The following MGMT variants were observed in gnomAD, a reference collection of about 807,000 sequenced individuals.
The protein encoded by MGMT is O-6-methylguanine-DNA methyltransferase, also known as methylated-DNA--protein-cysteine methyltransferase.
In MGMT, 14 loss-of-function variants were observed where a neutral mutation model predicts 15.9. That is an observed-to-expected ratio of 0.88 (90% CI 0.58 to 1.37). The LOEUF is 1.37. MGMT is among the 40% of genes most tolerant of loss of function. The pLI is 0.00. For synonymous variants in MGMT, 130 were observed against 118.2 expected, an observed-to-expected ratio of 1.10 and a Z score of -0.65; for missense variants, 282 against 268.1, an observed-to-expected ratio of 1.05 and a Z score of -0.36.
At chr10:129,675,873 C>G (rs576401781) in intron 2 of MGMT, among the ~76,000 whole-genome samples, 14 of 152,266 alleles carry the variant, frequency 9.2e-5, no homozygotes, top group Non-Finnish European at 1.9e-4. Flanking sequence ...GCCACCACCC[C>G]CTCCTCACAA....
Position 129,556,683 on chromosome 10 carries a change from G to A in MGMT, c.125+20306G>A, listed in dbSNP as rs1846218054. 6.6e-6 allele frequency among the ~76,000 whole-genome samples: 1 copy of A among 152,216 alleles called. No homozygotes were observed. The highest frequency in any genetic ancestry group is 2.4e-5 in the African/African-American group (1 of 41,452). On this transcript the variant is annotated intron_variant, in intron 2 of 4. Coordinates refer to ENST00000651593, the MANE Select transcript of MGMT (RefSeq NM_002412.5). This position sits in a 1 kb window ranked among gnomAD's most constrained non-coding sequence, Gnocchi z 4.3. ...CCGACGGCAAAGTCAGGACGGGCAG[G>A]AGCGTTCTAGGCAAATGATGAAAAT...
intron 2 of MGMT, among the ~76,000 whole-genome samples, chr10:129,665,758 T>G (rs1390374240): frequency 1.3e-5 from 2 of 152,164 alleles, no homozygotes; most frequent in Non-Finnish European, 2.9e-5. Flanking sequence ...TTTTACTTCA[T>G]GTAAAAAATG....
At chr10:129,644,366 G>T (rs1190051802) in intron 2 of MGMT, among the ~76,000 whole-genome samples, 2 of 152,250 alleles carry the variant, frequency 1.3e-5, no homozygotes, top group Non-Finnish European at 2.9e-5. Context: ...GAAGTCCAGG[G>T]TGCTGGGTGG....
At chr10:129,619,325 A>G (rs925814218) in intron 2 of MGMT, among the ~76,000 whole-genome samples, 1 of 152,222 alleles carries the variant, frequency 6.6e-6, no homozygotes, top group Non-Finnish European at 1.5e-5. Context: ...TGAGAAATGC[A>G]TGCATACATC....
chr10:129,554,397 G>A (rs1163987503), intron 2 of MGMT, among the ~76,000 whole-genome samples: 1 of 151,854 alleles, frequency 6.6e-6, no homozygotes, highest in East Asian at 1.9e-4. Context: ...TATATCTTAA[G>A]CATTTTTCTT....
intron 2 of MGMT, among the ~76,000 whole-genome samples, chr10:129,624,907 G>T (rs1356491376): frequency 2.0e-5 from 3 of 152,118 alleles, no homozygotes; most frequent in African/African-American, 7.2e-5. Flanking sequence ...AAGTAGGAAG[G>T]AACAGTAAAA....
intron 3 of MGMT, among the ~76,000 whole-genome samples, chr10:129,720,118 C>T (rs1046793388): frequency 2.0e-5 from 3 of 152,162 alleles, no homozygotes; most frequent in Admixed American, 6.5e-5. Context: ...GGTATAGCCC[C>T]GCAGCTGTTC....
intron 1 of MGMT, among the ~76,000 whole-genome samples, chr10:129,527,732 G>A (rs973115944): frequency 5.3e-5 from 8 of 151,506 alleles, no homozygotes; most frequent in Admixed American, 2.0e-4. Context: ...CCCTTGACAC[G>A]CCTGGAATCC....
chr10:129,552,288 G>GCACACC (rs1167244298), intron 2 of MGMT, among the ~76,000 whole-genome samples: 1 of 152,188 alleles, frequency 6.6e-6, no homozygotes, highest in African/African-American at 2.4e-5. Flanking sequence ...TGCTGGCAGT[G>GCACACC]CACACCCGGT....
At chr10:129,608,252 G>C (rs1846916173) in intron 2 of MGMT, among the ~76,000 whole-genome samples, 1 of 152,208 alleles carries the variant, frequency 6.6e-6, no homozygotes, top group South Asian at 2.1e-4. Flanking sequence ...ATACACAGAA[G>C]AATGCGTAGC....
Position 129,494,033 on chromosome 10 carries a change from C to G in MGMT, c.-13+26737C>G, listed in dbSNP as rs117663156. 3.9e-3 allele frequency among the ~76,000 whole-genome samples: 598 copies of G among 152,284 alleles called. 6 individuals are homozygous for G. Among genetic ancestry groups the G allele is most frequent in the Non-Finnish European group, 6.8e-3 (465 of 68,024 alleles). ...TAGTGTCCTACTGTAAAGATATAAC[C>G]TTCTTCCATTGTTAGGAATTTAGGG... is the stretch of plus-strand genomic sequence containing the variant. On this transcript the variant is annotated intron_variant, in intron 1 of 4. Transcript: ENST00000651593.
intron 3 of MGMT, among the ~76,000 whole-genome samples, chr10:129,713,706 A>G (rs76839087): frequency 0.04 from 6,161 of 152,254 alleles, 350 homozygotes; most frequent in African/African-American, 0.12. Flanking sequence ...AAACAAGGGT[A>G]GAGTGAGCAC....
chr10:129,645,186 CT>C (rs1342264814), intron 2 of MGMT, among the ~76,000 whole-genome samples: 36 of 138,744 alleles, frequency 2.6e-4, no homozygotes, highest in Middle Eastern at 9.2e-3. Context: ...GTAGCATGAT[CT>C]TGGCTCACTG....
intron 1 of MGMT, among the ~76,000 whole-genome samples, chr10:129,476,102 C>A (rs1322860889): frequency 6.6e-6 from 1 of 152,216 alleles, no homozygotes; most frequent in Admixed American, 6.5e-5. Flanking sequence ...TAGCTTGAGT[C>A]CACCTGGGCC....
At position 129,723,005 on chromosome 10, in the gene MGMT, C is replaced by CA. The variant is rs3039560; in HGVS notation, c.274+14988dup. Among the ~76,000 whole-genome samples the CA allele has an allele frequency of 4.8e-3, 291 of 60,268 alleles. 23 individuals carry two copies. The highest frequency in any genetic ancestry group is 6.3e-3 in the African/African-American group (94 of 15,016). The allele number at this position is 60,268 out of a possible 152,430, so 39.5% of individuals were successfully genotyped here. On this transcript the variant is annotated intron_variant, in intron 3 of 4. Coordinates refer to ENST00000651593, the MANE Select transcript of MGMT (RefSeq NM_002412.5). ...TGGGTGACAGAGGAAGACTCTATCACAAAAAAAAAAAAAAAAAAAAAAAAA... is the reference window on the plus strand; with the variant it reads ...TGGGTGACAGAGGAAGACTCTATCACAAAAAAAAAAAAAAAAAAAAAAAAAA...
intron 2 of MGMT, among the ~76,000 whole-genome samples, chr10:129,573,337 T>C (rs1846441421): frequency 6.6e-6 from 1 of 152,214 alleles, no homozygotes; most frequent in South Asian, 2.1e-4. Flanking sequence ...TCACAAAGAT[T>C]GTACAGATCC....
intron 2 of MGMT, among the ~76,000 whole-genome samples, chr10:129,557,051 G>T (rs574363939): frequency 6.6e-6 from 1 of 152,272 alleles, no homozygotes; most frequent in South Asian, 2.1e-4. Context: ...CCTCTTACTG[G>T]TCTTCATTAA....
intron 2 of MGMT, among the ~76,000 whole-genome samples, chr10:129,540,748 T>A (rs1297516374): frequency 6.6e-6 from 1 of 152,238 alleles, no homozygotes; most frequent in African/African-American, 2.4e-5. Context: ...GAGTTAAGTG[T>A]TGGATTGATA....
intron 1 of MGMT, among the ~76,000 whole-genome samples, chr10:129,483,713 TTTGA>T (rs1265958647): frequency 6.6e-6 from 1 of 152,026 alleles, no homozygotes; most frequent in Non-Finnish European, 1.5e-5. Flanking sequence ...TTTTCAGCTG[TTTGA>T]TTATTTGTTT....
Sources: gnomAD v4.1 joint callset for allele counts (sites outside exome capture counted in the v4.1 genomes callset) on GRCh38, gnomAD v4.1.1 for gene constraint, Gnocchi (gnomAD v3.1) non-coding constraint, MANE v1.5 for transcripts, NCBI Gene and HGNC (gene_info 2026-07-23, HGNC 2026-07-21) for gene names.